Variants in ANKHD1 observed in about 807,000 individuals in gnomAD.
ANKHD1 encodes ankyrin repeat and KH domain containing 1, also known as ankyrin repeat and KH domain-containing protein 1.
A neutral mutation model predicts 230.5 loss-of-function variants in ANKHD1; 31 were observed. The observed-to-expected ratio is 0.13, with a 90% confidence interval of 0.10 to 0.18. The LOEUF (loss-of-function observed/expected upper bound fraction) is 0.18, where lower values mean the gene tolerates loss of function less well. ANKHD1 is among the 10% of genes least tolerant of loss of function. The pLI is 1.00. For synonymous variants in ANKHD1, 1,074 were observed against 1,117.6 expected, an observed-to-expected ratio of 0.96 and a Z score of 0.78; for missense variants, 2,256 against 3,071.3, an observed-to-expected ratio of 0.73 and a Z score of 6.27.
rs1195080298 is a variant in ANKHD1, at chr5:140,507,374, C to T, written c.3551+397C>T. ...CCAGGCTGGAATGCAATGGCGCGATCTTGGCTTACCGCGAACTCTGCCTCC... is the reference window on the plus strand; with the variant it reads ...CCAGGCTGGAATGCAATGGCGCGATTTTGGCTTACCGCGAACTCTGCCTCC... On this transcript the variant is annotated intron_variant, in intron 19 of 33. Coordinates refer to ENST00000360839, the MANE Select transcript of ANKHD1 (RefSeq NM_017747.3). The surrounding 1 kb of genome is among the most constrained non-coding windows in gnomAD (Gnocchi z 4.1). 1.3e-5 allele frequency among the ~76,000 whole-genome samples: 2 copies of T among 152,226 alleles called. No individual in the cohort carries two copies. Among genetic ancestry groups the T allele is most frequent in the Non-Finnish European group, 2.9e-5 (2 of 68,044 alleles).
intron 1 of ANKHD1, among the ~76,000 whole-genome samples, chr5:140,427,219 G>A (rs1772517902): frequency 2.0e-5 from 3 of 147,090 alleles, no homozygotes; most frequent in East Asian, 2.1e-4. Context: ...CAGTAGGGGC[G>A]GCCGGGCAGA....
intron 6 of ANKHD1, 53 bp from the exon 7 acceptor site, chr5:140,449,158 T>G: frequency 6.6e-7 from 1 of 1,519,844 alleles, no homozygotes. Flanking sequence ...CCTCAATATT[T>G]AAATATTAAA....
chr5:140,420,642 A>G lies in ANKHD1; in HGVS notation c.307-15462A>G, dbSNP rs550861188. 3.6e-4 allele frequency among the ~76,000 whole-genome samples: 55 copies of G among 152,318 alleles called. 1 individual carries two copies. The highest frequency in any genetic ancestry group is 6.8e-3 in the Middle Eastern group (2 of 294). On this transcript the variant is annotated intron_variant, in intron 1 of 33. Coordinates refer to ENST00000360839, the MANE Select transcript of ANKHD1 (RefSeq NM_017747.3). ...CACCCTTTTCAAAAATCAGTTGACTACGTGTGAGGGTTTATTTCTGGACTG... is the reference window on the plus strand; with the variant it reads ...CACCCTTTTCAAAAATCAGTTGACTGCGTGTGAGGGTTTATTTCTGGACTG...
chr5:140,421,464 C>G (rs181227599), intron 1 of ANKHD1, among the ~76,000 whole-genome samples: 1 of 152,040 alleles, frequency 6.6e-6, no homozygotes, highest in South Asian at 2.1e-4. Context: ...CCACACCCAG[C>G]TAATTTTTGT....
intron 3 of ANKHD1, 93 bp downstream of exon 3, chr5:140,438,710 C>T: frequency 7.0e-7 from 1 of 1,432,776 alleles, no homozygotes; most frequent in Non-Finnish European, 9.2e-7. Context: ...TTTGGTGGAG[C>T]TTATAAACTT....
chr5:140,417,657 C>T (rs1408915884), intron 1 of ANKHD1, among the ~76,000 whole-genome samples: 1 of 151,740 alleles, frequency 6.6e-6, no homozygotes, highest in African/African-American at 2.4e-5. Flanking sequence ...GCCATGTTGC[C>T]CAGGCTGGTG....
At chr5:140,520,628 G>A (rs1182521138) in intron 24 of ANKHD1, among the ~76,000 whole-genome samples, 3 of 151,554 alleles carry the variant, frequency 2.0e-5, no homozygotes, top group Non-Finnish European at 2.9e-5. Flanking sequence ...TGTCCTTTGT[G>A]GGGACATGGA....
chr5:140,503,553 C>CTTTTTTTTTTTTTTTT lies in ANKHD1; in HGVS notation c.3005-1251_3005-1236dup, dbSNP rs70988767. Among the ~76,000 whole-genome samples the CTTTTTTTTTTTTTTTT allele has an allele frequency of 1.1e-3, 56 of 51,418 alleles. 2 individuals are homozygous for CTTTTTTTTTTTTTTTT. The highest frequency in any genetic ancestry group is 1.2e-3 in the Non-Finnish European group (36 of 30,518). The allele number at this position is 51,418 out of a possible 152,430, so 33.7% of individuals were successfully genotyped here. A position where few individuals can be genotyped will look rare whatever the true frequency, so the allele number is the denominator to read the frequency against. On this transcript the variant is annotated intron_variant, in intron 15 of 33. Coordinates refer to ENST00000360839, the MANE Select transcript of ANKHD1 (RefSeq NM_017747.3). ...AATTTCTTTTAACTCAGTTTTCTTT[C>CTTTTTTTTTTTTTTTT]TTTTTTTTTTTTTTTTTTTTTTTTT...
chr5:140,482,764 A>G, intron 11 of ANKHD1, 97 bp downstream of exon 11: 7 of 1,282,492 alleles, frequency 5.5e-6, no homozygotes, highest in Non-Finnish European at 7.6e-6. Context: ...CTTTACCTAC[A>G]GTAAAGTATT....
intron 20 of ANKHD1, among the ~76,000 whole-genome samples, chr5:140,509,005 C>A (rs7712617): frequency 0.41 from 61,585 of 151,864 alleles, 13,286 homozygotes; most frequent in East Asian, 0.55. Flanking sequence ...AAATCTCGTA[C>A]TTCTTCCCTG....
At chr5:140,461,876 T>C (rs1775724740) in intron 9 of ANKHD1, among the ~76,000 whole-genome samples, 1 of 152,182 alleles carries the variant, frequency 6.6e-6, no homozygotes, top group South Asian at 2.1e-4. Flanking sequence ...TTTATAAATC[T>C]GTATGTATGT....
At chr5:140,411,683 C>A (rs1770937075) in intron 1 of ANKHD1, among the ~76,000 whole-genome samples, 1 of 151,642 alleles carries the variant, frequency 6.6e-6, no homozygotes, top group South Asian at 2.1e-4. Context: ...CCATACCCAG[C>A]TAATTTTTTT....
Position 140,505,710 on chromosome 5 carries a change from A to C in ANKHD1, c.3263-14A>C. ...AAACATAAATTTGTTTAAGATTTTC[A>C]TTTTCTGATTTAGGTTTCACACCAC... On this transcript the variant is annotated splice_polypyrimidine_tract_variant and intron_variant, in intron 17 of 33. Transcript: ENST00000360839. 1 of 1,576,132 alleles carries C rather than the reference A, an allele frequency of 6.3e-7. No homozygotes were observed. The highest frequency in any genetic ancestry group is 1.2e-5 in the South Asian group (1 of 84,450).
chr5:140,430,228 T>C (rs1772928689), intron 1 of ANKHD1, among the ~76,000 whole-genome samples: 1 of 152,232 alleles, frequency 6.6e-6, no homozygotes, highest in Non-Finnish European at 1.5e-5. Flanking sequence ...TAGTTTTTGA[T>C]GGGCCGTATT....
chr5:140,424,221 G>T (rs62385220), intron 1 of ANKHD1, among the ~76,000 whole-genome samples: 12,028 of 101,018 alleles, frequency 0.12, 519 homozygotes, highest in East Asian at 0.19. Flanking sequence ...TATATATATA[G>T]AGAGAGAGAG....
At position 140,539,481 on chromosome 5, in the gene ANKHD1, G is replaced by T; in HGVS notation, c.*63G>T. The T allele has an allele frequency of 2.0e-6, 3 of 1,529,154 alleles. No individual in the cohort carries two copies. The highest frequency in any genetic ancestry group is 2.6e-6 in the Non-Finnish European group (3 of 1,134,282). 94.7% of individuals were successfully genotyped at this position (1,529,154 alleles called of 1,614,324 possible). On this transcript the variant is annotated 3_prime_UTR_variant, in exon 34 of 34. Transcript: ENST00000360839. ...CCTATGACCTTGGAAGAACCATGGG[G>T]ATTTTTTTTTAATGTGCCTAAGAAA... is the stretch of plus-strand genomic sequence containing the variant.
At chr5:140,515,611 C>G (rs1255021164) in intron 24 of ANKHD1, among the ~76,000 whole-genome samples, 1 of 152,166 alleles carries the variant, frequency 6.6e-6, no homozygotes, top group Non-Finnish European at 1.5e-5. Context: ...CAGACTGCCT[C>G]CTCAAGTGGG....
At chr5:140,493,828 G>T (rs1751913272) in intron 14 of ANKHD1, among the ~76,000 whole-genome samples, 1 of 152,026 alleles carries the variant, frequency 6.6e-6, no homozygotes, top group African/African-American at 2.4e-5. Context: ...CATATTATTT[G>T]TTAACAAGAT....
rs780547952 is a variant in ANKHD1, at chr5:140,526,403, G to A, written c.4900G>A (p.Glu1634Lys). The change falls in exon 26 of 34, where the codon GAA becomes AAA. Residue 1634 changes from glutamate (E) to lysine (K), a missense_variant. By Grantham distance (56) the Glu-to-Lys change is moderately conservative. Coordinates refer to ENST00000360839, the MANE Select transcript of ANKHD1 (RefSeq NM_017747.3). ...KYPSLLLHSQ[E>K]EKTSTATSKT... ...CCCCTCACTGCTCCTTCATTCCCAA[G>A]AAGAAAAGACAAGTACTGCTACTTC... The A allele has an allele frequency of 6.2e-7, 1 of 1,613,738 alleles. No individual in the cohort carries two copies. The highest frequency in any genetic ancestry group is 8.5e-7 in the Non-Finnish European group (1 of 1,179,894).
Sources: allele counts gnomAD v4.1 joint callset (sites outside exome capture counted in the v4.1 genomes callset), GRCh38; gene constraint gnomAD v4.1.1; non-coding constraint Gnocchi (gnomAD v3.1); transcripts MANE v1.5; gene names NCBI Gene and HGNC (gene_info 2026-07-23, HGNC 2026-07-21).